The following PARN variants were observed in gnomAD, a reference collection of about 807,000 sequenced individuals.
PARN encodes the protein poly(A)-specific ribonuclease PARN.
PARN carries 71 observed loss-of-function variants against 102.8 expected under a neutral mutation model. The observed-to-expected ratio is 0.69, with a 90% CI of 0.57 to 0.84. PARN has a LOEUF of 0.84. PARN is among the 40% of genes least tolerant of loss of function. The pLI, the probability that PARN is intolerant of heterozygous loss-of-function variation, is 0.00. For synonymous variants in PARN, 261 were observed against 252.9 expected (o/e 1.03, Z -0.30); for missense variants, 782 against 760.9 (o/e 1.03, Z -0.33).
rs140080770 is a variant in PARN, at chr16:14,609,800, A to G, written c.555-677T>C. 2.4e-3 allele frequency among the ~76,000 whole-genome samples: 368 copies of G among 152,364 alleles called. 3 individuals are homozygous for G. Among genetic ancestry groups the G allele is most frequent in the African/African-American group, 8.2e-3 (342 of 41,592 alleles). Reference sequence around the variant, plus strand: ...CACCTTTACTGCAAGCAAAGAGAACATGGACATGCTACAGGCTGGATAAGC... The same window carrying G: ...CACCTTTACTGCAAGCAAAGAGAACGTGGACATGCTACAGGCTGGATAAGC... On this transcript the variant is annotated intron_variant, in intron 7 of 23. Transcript: ENST00000437198.
At chr16:14,629,799 C>T (rs567242330) in intron 1 of PARN, 125 bp from the exon 2 acceptor site, 17 of 768,258 alleles carry the variant, frequency 2.2e-5, no homozygotes, top group South Asian at 1.7e-4. Context: ...GAGGTGTGCA[C>T]CGGGGCGAGG....
intron 18 of PARN, among the ~76,000 whole-genome samples, chr16:14,574,664 G>C (rs936485637): frequency 6.6e-6 from 1 of 152,126 alleles, no homozygotes; most frequent in East Asian, 1.9e-4. Flanking sequence ...AGTGAGCCGA[G>C]ATTGTGCCAC....
rs566713333 is a variant in PARN at position 14,500,620 on chromosome 16, C to T, written c.1481-17793G>A. Among the ~76,000 whole-genome samples the T allele has an allele frequency of 1.4e-4, 21 of 152,228 alleles. No individual in the cohort carries two copies. In the South Asian group the frequency reaches 3.1e-3, roughly 23 times the overall value. On this transcript the variant is annotated intron_variant, in intron 21 of 23. Coordinates refer to ENST00000437198, the MANE Select transcript of PARN (RefSeq NM_002582.4). The stretch of plus-strand genomic sequence containing the variant: ...TTTCCCTAGAAAAAAATATTACCAC[C>T]CTTTAGATTCTAATTCTAAAGTGCT...
intron 22 of PARN, among the ~76,000 whole-genome samples, chr16:14,474,323 CAT>C (rs1962921455): frequency 2.0e-5 from 3 of 152,156 alleles, no homozygotes; most frequent in Admixed American, 6.5e-5. Context: ...TTTTATTTGA[CAT>C]GTCTTTATTA....
chr16:14,617,517 C>T (rs1018779625), intron 6 of PARN, 73 bp downstream of exon 6: 1 of 814,136 alleles, frequency 1.2e-6, no homozygotes, highest in African/African-American at 1.7e-5. Flanking sequence ...AATTCTCAAC[C>T]AAGTTCAGAC....
At chr16:14,513,364 T>C (rs1350281526) in intron 21 of PARN, among the ~76,000 whole-genome samples, 1 of 152,254 alleles carries the variant, frequency 6.6e-6, no homozygotes, top group Admixed American at 6.5e-5. Context: ...TGCTTTGTTC[T>C]CTCAAACCAT....
chr16:14,484,946 C>T (rs778557177), intron 21 of PARN, among the ~76,000 whole-genome samples: 7 of 151,992 alleles, frequency 4.6e-5, no homozygotes, highest in Non-Finnish European at 1.0e-4. Flanking sequence ...AGGCAGGGCA[C>T]AGTGGCTCAC....
chr16:14,502,060 G>C (rs1487244848), intron 21 of PARN, among the ~76,000 whole-genome samples: 1 of 152,248 alleles, frequency 6.6e-6, no homozygotes, highest in African/African-American at 2.4e-5. Flanking sequence ...AATGGAATGA[G>C]TGTGTACACT....
At position 14,547,497 on chromosome 16, in the gene PARN, A is replaced by C. The variant is rs189625839; in HGVS notation, c.1480+4524T>G. Among the ~76,000 whole-genome samples the C allele has an allele frequency of 1.9e-4, 29 of 152,074 alleles. No homozygotes were observed. In the East Asian group the frequency reaches 5.3e-3, roughly 28 times the overall value. ...AAGGAGAGAGGACGGCTTGAGGCCAAGAGTTCAAGACCAGCCGAGCAACAT... is the reference window on the plus strand; with the variant it reads ...AAGGAGAGAGGACGGCTTGAGGCCACGAGTTCAAGACCAGCCGAGCAACAT... On this transcript the variant is annotated intron_variant, in intron 21 of 23. Coordinates refer to ENST00000437198, the MANE Select transcript of PARN (RefSeq NM_002582.4).
At position 14,607,707 on chromosome 16, in the gene PARN, T is replaced by A. The variant is rs556628389; in HGVS notation, c.659+574A>T. Among the ~76,000 whole-genome samples, 106 of 152,172 alleles carry A rather than the reference T, an allele frequency of 7.0e-4. 1 individual carries two copies. Among genetic ancestry groups the A allele is most frequent in the Admixed American group, 1.2e-3 (18 of 15,256 alleles). Reference sequence around the variant, plus strand: ...CAGCCCTTTCCTGTTGTGTTCAAAGTATATTCCCAGTATACATGTCACTGG... The same window carrying A: ...CAGCCCTTTCCTGTTGTGTTCAAAGAATATTCCCAGTATACATGTCACTGG... On this transcript the variant is annotated intron_variant, in intron 9 of 23. Coordinates refer to ENST00000437198, the MANE Select transcript of PARN (RefSeq NM_002582.4).
intron 12 of PARN, among the ~76,000 whole-genome samples, chr16:14,599,037 C>CTTTTT (rs71150194): frequency 8.8e-4 from 72 of 81,410 alleles, no homozygotes; most frequent in Non-Finnish European, 9.4e-4. Flanking sequence ...TTCTCCTCTT[C>CTTTTT]TTTTTTTTTT....
chr16:14,457,790 T>C (rs183749983), intron 22 of PARN, among the ~76,000 whole-genome samples: 319 of 103,352 alleles, frequency 3.1e-3, no homozygotes, highest in African/African-American at 0.01. Context: ...ACAGTGAGAC[T>C]CTGTCTCAAA....
At chr16:14,474,718 C>T (rs949837156) in intron 22 of PARN, among the ~76,000 whole-genome samples, 1 of 152,148 alleles carries the variant, frequency 6.6e-6, no homozygotes, top group African/African-American at 2.4e-5. Flanking sequence ...AAGCTGGAAC[C>T]CTTGGCTTCT....
At chr16:14,627,850 AT>A (rs1392525329) in intron 3 of PARN, among the ~76,000 whole-genome samples, 2 of 152,018 alleles carry the variant, frequency 1.3e-5, no homozygotes, top group East Asian at 1.9e-4. Context: ...ATTAAAAAAA[AT>A]AATAATAATT....
chr16:14,529,037 T>A (rs938290226), intron 21 of PARN, among the ~76,000 whole-genome samples: 2 of 152,100 alleles, frequency 1.3e-5, no homozygotes, highest in Non-Finnish European at 2.9e-5. Flanking sequence ...TGGACACAGA[T>A]CAAGCAGCAC....
intron 21 of PARN, among the ~76,000 whole-genome samples, chr16:14,508,405 A>T (rs1021809876): frequency 5.9e-5 from 9 of 152,144 alleles, no homozygotes; most frequent in South Asian, 2.1e-4. Context: ...TAAATTTTTT[A>T]AAAAATAAAT....
intron 12 of PARN, among the ~76,000 whole-genome samples, chr16:14,598,091 C>G (rs1311712336): frequency 6.6e-6 from 1 of 151,952 alleles, no homozygotes; most frequent in Admixed American, 6.6e-5. Flanking sequence ...TTGTGGTGAG[C>G]CAGGATTGCG....
At position 14,610,717 on chromosome 16, in the gene PARN, A is replaced by G; in HGVS notation, c.481T>C (p.Tyr161His). 6.2e-7 allele frequency: 1 copy of G among 1,605,160 alleles called. No individual in the cohort carries two copies. Among genetic ancestry groups the G allele is most frequent in the Non-Finnish European group, 8.5e-7 (1 of 1,171,818 alleles). The change falls in exon 7 of 24, where the codon TAT (tyrosine) becomes CAT (histidine). Residue 161 changes from tyrosine (Y) to histidine (H), a missense_variant. Coordinates refer to ENST00000437198, the MANE Select transcript of PARN (RefSeq NM_002582.4). ...SQANGAGALS[Y>H]VSPNTSKCPV... is the part of the protein sequence containing the mutation. Reference sequence around the variant, plus strand: ...CATTTTGAAGTGTTAGGAGATACATAGGACAGAGCTCCTGCACCATTCGCC... The same window carrying G: ...CATTTTGAAGTGTTAGGAGATACATGGGACAGAGCTCCTGCACCATTCGCC...
chr16:14,513,642 C>A (rs1965313720), intron 21 of PARN, among the ~76,000 whole-genome samples: 1 of 152,178 alleles, frequency 6.6e-6, no homozygotes, highest in Non-Finnish European at 1.5e-5. Context: ...TTGGCACTGG[C>A]CTTCTGCCAC....
Sources: gnomAD v4.1 joint callset for allele counts (sites outside exome capture counted in the v4.1 genomes callset) on GRCh38, gnomAD v4.1.1 for gene constraint, MANE v1.5 for transcripts, NCBI Gene and HGNC (gene_info 2026-07-23, HGNC 2026-07-21) for gene names.